UPB1: variants seen among roughly 807,000 people sequenced by gnomAD.
UPB1 encodes the protein beta-ureidopropionase.
Under a neutral mutation model 49.1 loss-of-function variants are expected in UPB1, and 40 were observed. That is an observed-to-expected ratio of 0.81 (90% CI 0.63 to 1.06). UPB1 has a LOEUF of 1.06. Ranked by LOEUF, UPB1 falls within the 50% of genes least tolerant of loss-of-function variation. UPB1 has a pLI of 0.00. For synonymous variants in UPB1, 207 were observed against 198.2 expected (o/e 1.04, Z -0.38); for missense variants, 499 against 505.9 (o/e 0.99, Z 0.13).
intron 1 of UPB1, among the ~76,000 whole-genome samples, chr22:24,499,866 A>T (rs568185297): frequency 2.6e-4 from 40 of 152,122 alleles, no homozygotes; most frequent in Non-Finnish European, 5.0e-4. Flanking sequence ...GCCAGGCCTA[A>T]CCGTGCTGAC....
chr22:24,505,556 C>G (rs572481570), intron 3 of UPB1, among the ~76,000 whole-genome samples: 3 of 152,322 alleles, frequency 2.0e-5, no homozygotes, highest in Non-Finnish European at 4.4e-5. Context: ...TTTGACACTT[C>G]ACTTGCTTTC....
At chr22:24,501,439 TGACA>T (rs1437857270) in intron 2 of UPB1, among the ~76,000 whole-genome samples, 1 of 151,804 alleles carries the variant, frequency 6.6e-6, no homozygotes, top group African/African-American at 2.4e-5. Context: ...GTCCTGGGAG[TGACA>T]GACAGCAGAG....
Position 24,498,728 on chromosome 22 carries a change from AC to A in UPB1, c.105-1376del, listed in dbSNP as rs140730343. Reference sequence around the variant, plus strand: ...GTGGTGGTTACAGCCATGTTTCCACACCCAAGACGAGCTCTTCACCTGACAT... The same window carrying A: ...GTGGTGGTTACAGCCATGTTTCCACACCAAGACGAGCTCTTCACCTGACAT... On this transcript the variant is annotated intron_variant, in intron 1 of 9. Transcript: ENST00000326010. Among the ~76,000 whole-genome samples, 280 of 152,266 alleles carry A rather than the reference AC, an allele frequency of 1.8e-3. 1 individual carries two copies. The highest frequency in any genetic ancestry group is 3.3e-3 in the Non-Finnish European group (225 of 68,002).
At chr22:24,506,038 T>TC (rs1555885191) in intron 3 of UPB1, among the ~76,000 whole-genome samples, 6 of 136,278 alleles carry the variant, frequency 4.4e-5, no homozygotes, top group Middle Eastern at 3.9e-3. Context: ...TTTTTTTTTT[T>TC]CAGACGGAAT....
chr22:24,515,555 G>T (rs2044280480), intron 6 of UPB1, among the ~76,000 whole-genome samples, 185 bp downstream of exon 6: 1 of 152,230 alleles, frequency 6.6e-6, no homozygotes, highest in Non-Finnish European at 1.5e-5. Flanking sequence ...CCTCAAGATG[G>T]CAATGAGCAA....
intron 4 of UPB1, among the ~76,000 whole-genome samples, chr22:24,511,723 C>G (rs1275760212): frequency 6.6e-6 from 1 of 150,770 alleles, no homozygotes. Context: ...ACGCCATTCT[C>G]CTGCCTCAGC....
intron 6 of UPB1, chr22:24,516,515 T>A (rs892800427): frequency 2.0e-5 from 3 of 152,264 alleles, no homozygotes; most frequent in African/African-American, 7.2e-5. Flanking sequence ...CCCAACTCAC[T>A]TCTTTCCAAG....
chr22:24,522,943 TAAAAAAAAAAAAAAAA>T (rs747503249), intron 8 of UPB1, among the ~76,000 whole-genome samples: 1 of 66,378 alleles, frequency 1.5e-5, no homozygotes, highest in African/African-American at 6.0e-5. Flanking sequence ...AAATGCCACC[TAAAAAAAAAAAAAAAA>T]AAAAAAAATG....
At chr22:24,510,445 T>G (rs1018126640) in intron 3 of UPB1, among the ~76,000 whole-genome samples, 2 of 152,206 alleles carry the variant, frequency 1.3e-5, no homozygotes, top group East Asian at 1.9e-4. Flanking sequence ...ATAAGACACT[T>G]GGGTTGTTTC....
intron 7 of UPB1, 24 bp from the exon 8 acceptor site, chr22:24,521,962 T>C (rs2044401786): frequency 6.2e-7 from 1 of 1,613,830 alleles, no homozygotes; most frequent in Non-Finnish European, 8.5e-7. Flanking sequence ...TATAGGTTCC[T>C]CTTACCTTGG....
rs2044482331 is a variant in UPB1, at chr22:24,526,429, G to C, written c.*635G>C. 6.3e-6 allele frequency: 1 copy of C among 157,636 alleles called. No homozygotes were observed. Among genetic ancestry groups the C allele is most frequent in the South Asian group, 1.8e-4 (1 of 5,474 alleles). 9.8% of individuals were successfully genotyped at this position (157,636 alleles called of 1,614,324 possible). ...AGAACAGAGCTAAGGGTTTCCCTGA[G>C]GAAGAAATTCTGCCTGAGGACAGCA... On this transcript the variant is annotated 3_prime_UTR_variant, in exon 10 of 10. Coordinates refer to ENST00000326010, the MANE Select transcript of UPB1 (RefSeq NM_016327.3).
Position 24,497,017 on chromosome 22 carries a change from G to A in UPB1, c.104+1510G>A, listed in dbSNP as rs994111841. On this transcript the variant is annotated intron_variant, in intron 1 of 9. Transcript: ENST00000326010. ...AACACATGGACATATGTGGAACACT[G>A]TCCCTCTTTCTCTTTCTTCCTCACC... Among the ~76,000 whole-genome samples, 3 of 152,166 alleles carry A rather than the reference G, an allele frequency of 2.0e-5. No individual in the cohort carries two copies. In the East Asian group the frequency reaches 5.8e-4, roughly 29 times the overall value.
At chr22:24,513,211 CAAGTGGTT>C in intron 4 of UPB1, 105 bp from the exon 5 acceptor site, 1 of 1,470,390 alleles carries the variant, frequency 6.8e-7, no homozygotes, top group South Asian at 1.2e-5. Flanking sequence ...ACAACAAATG[CAAGTGGTT>C]GCTCTGACCC....
chr22:24,523,527 T>G, intron 8 of UPB1, 92 bp from the exon 9 acceptor site: 1 of 1,578,694 alleles, frequency 6.3e-7, no homozygotes, highest in Admixed American at 1.7e-5. Context: ...ATGGACTCCG[T>G]GTCCTGGGCC....
At chr22:24,512,809 TATTTC>T (rs1171397523) in intron 4 of UPB1, among the ~76,000 whole-genome samples, 1 of 152,246 alleles carries the variant, frequency 6.6e-6, no homozygotes. Context: ...GGGACTGGCT[TATTTC>T]ATTTAGCATA....
chr22:24,501,213 C>G (rs767659864), intron 2 of UPB1, among the ~76,000 whole-genome samples: 6 of 152,150 alleles, frequency 3.9e-5, no homozygotes, highest in Non-Finnish European at 7.3e-5. Context: ...GGGGCTGATG[C>G]TGTCAGCAAA....
At chr22:24,508,310 G>A (rs779483791) in intron 3 of UPB1, among the ~76,000 whole-genome samples, 4 of 152,356 alleles carry the variant, frequency 2.6e-5, no homozygotes, top group African/African-American at 4.8e-5. Flanking sequence ...TGTAATCCCA[G>A]CACTTTCTGA....
intron 3 of UPB1, among the ~76,000 whole-genome samples, chr22:24,508,023 C>T (rs547197130): frequency 5.9e-5 from 9 of 152,290 alleles, no homozygotes; most frequent in East Asian, 3.9e-4. Flanking sequence ...TGGCCCCCTC[C>T]GCCGTATGGG....
intron 3 of UPB1, among the ~76,000 whole-genome samples, chr22:24,505,461 A>G (rs2044072874): frequency 6.6e-6 from 1 of 152,188 alleles, no homozygotes; most frequent in Non-Finnish European, 1.5e-5. Flanking sequence ...GGCTGGTCAG[A>G]GTCCCCAGAG....
Sources: gnomAD v4.1 joint callset for allele counts (sites outside exome capture counted in the v4.1 genomes callset) on GRCh38, gnomAD v4.1.1 for gene constraint, MANE v1.5 for transcripts, NCBI Gene and HGNC (gene_info 2026-07-23, HGNC 2026-07-21) for gene names.